NKAIN3: variants seen among roughly 807,000 people sequenced by gnomAD.
NKAIN3 encodes the protein sodium/potassium transporting ATPase interacting 3, also known as sodium/potassium-transporting ATPase subunit beta-1-interacting protein 3.
Under a neutral mutation model 30.2 loss-of-function variants are expected in NKAIN3, and 25 were observed. The observed-to-expected ratio is 0.83, with a 90% CI of 0.60 to 1.16. The LOEUF (loss-of-function observed/expected upper bound fraction) is 1.16. Among genes scored for constraint, NKAIN3 ranks in the 50% most tolerant of loss-of-function variants. The pLI is 0.00. For synonymous variants in NKAIN3, 91 were observed against 89.6 expected (o/e 1.02, Z -0.09); for missense variants, 225 against 254.1 (o/e 0.89, Z 0.78).
intron 1 of NKAIN3, among the ~76,000 whole-genome samples, chr8:62,274,357 A>C (rs1812867579): frequency 6.6e-6 from 1 of 152,070 alleles, no homozygotes; most frequent in Non-Finnish European, 1.5e-5. Context: ...TCTCCATTGA[A>C]GTTGGGTGTA....
intron 4 of NKAIN3, among the ~76,000 whole-genome samples, chr8:62,805,620 T>C (rs1818251078): frequency 5.9e-5 from 9 of 152,158 alleles, no homozygotes; most frequent in Admixed American, 5.9e-4. Context: ...TGAAACTGGA[T>C]CCCTTCCTTA....
In NKAIN3 at chr8:62,932,499, A is replaced by G. The variant is rs1374884309; in HGVS notation, c.532+13986A>G. ...ATGTGCAAAATACACATCATCAGGA[A>G]GAGAACAAAGGAAAGACATTTTAGA... On this transcript the variant is annotated intron_variant, in intron 5 of 6. Coordinates refer to ENST00000623646, the MANE Select transcript of NKAIN3 (RefSeq NM_001304533.3). 3.9e-5 allele frequency among the ~76,000 whole-genome samples: 6 copies of G among 152,338 alleles called. No homozygotes were observed. The South Asian group carries it at 1.0e-3, about 26-fold the overall frequency.
intron 4 of NKAIN3, among the ~76,000 whole-genome samples, chr8:62,807,752 C>T (rs1403882684): frequency 6.7e-6 from 1 of 149,064 alleles, no homozygotes; most frequent in Non-Finnish European, 1.5e-5. Context: ...GGGGTTTCAC[C>T]ATGGTGGCCA....
intron 3 of NKAIN3, among the ~76,000 whole-genome samples, chr8:62,671,342 G>C (rs1052398388): frequency 1.3e-5 from 2 of 152,034 alleles, no homozygotes; most frequent in Admixed American, 6.6e-5. Context: ...TTCAGATTTA[G>C]ATGCTTAAAC....
At chr8:62,708,624 G>A (rs913729135) in intron 3 of NKAIN3, among the ~76,000 whole-genome samples, 3 of 152,112 alleles carry the variant, frequency 2.0e-5, no homozygotes, top group Admixed American at 6.5e-5. Context: ...CTTGCTGGAG[G>A]AGTCCTTAGG....
Position 62,982,979 on chromosome 8 carries a change from G to C in NKAIN3, c.*17572G>C, listed in dbSNP as rs1036994156. ...ATGTTTCTTCTTCATTCATGAATAAGTCTAATTTTCTCTCCGGTGTGTAAA... is the reference window on the plus strand; with the variant it reads ...ATGTTTCTTCTTCATTCATGAATAACTCTAATTTTCTCTCCGGTGTGTAAA... On this transcript the variant is annotated 3_prime_UTR_variant, in exon 7 of 7. Transcript: ENST00000623646. 2.0e-5 allele frequency: 3 copies of C among 152,146 alleles called. No individual in the cohort carries two copies. The highest frequency in any genetic ancestry group is 7.2e-5 in the African/African-American group (3 of 41,424). 9.4% of individuals were successfully genotyped at this position (152,146 alleles called of 1,614,324 possible). A position where few individuals can be genotyped will look rare whatever the true frequency, so the allele number is the denominator to read the frequency against.
At chr8:62,641,661 TA>T (rs1199516778) in intron 3 of NKAIN3, among the ~76,000 whole-genome samples, 1 of 152,142 alleles carries the variant, frequency 6.6e-6, no homozygotes, top group Non-Finnish European at 1.5e-5. Flanking sequence ...GCAAGTTAAA[TA>T]GCTCATTGAT....
intron 1 of NKAIN3, among the ~76,000 whole-genome samples, chr8:62,368,959 G>A (rs1816824964): frequency 6.6e-6 from 1 of 151,710 alleles, no homozygotes; most frequent in Admixed American, 6.6e-5. Flanking sequence ...TTGACAAAAT[G>A]GTGTCAGAAG....
intron 4 of NKAIN3, among the ~76,000 whole-genome samples, chr8:62,849,656 CA>C (rs1315922650): frequency 7.8e-6 from 1 of 128,444 alleles, no homozygotes; most frequent in Non-Finnish European, 1.6e-5. Flanking sequence ...TTCCTGTGTC[CA>C]TGTGTTCTCA....
chr8:62,934,249 G>A (rs984082793), intron 5 of NKAIN3, among the ~76,000 whole-genome samples: 1 of 151,912 alleles, frequency 6.6e-6, no homozygotes, highest in African/African-American at 2.4e-5. Flanking sequence ...AAAGTAGCAG[G>A]GTGTGCTGGT....
chr8:62,270,381 C>T (rs1812743528), intron 1 of NKAIN3, among the ~76,000 whole-genome samples: 1 of 151,918 alleles, frequency 6.6e-6, no homozygotes, highest in African/African-American at 2.4e-5. Context: ...TGGGCCCAGC[C>T]CATATTATAG....
chr8:62,856,638 T>C (rs1270311786), intron 4 of NKAIN3: 21 of 771,804 alleles, frequency 2.7e-5, no homozygotes, highest in South Asian at 1.5e-4. Flanking sequence ...ACTAAAGAGG[T>C]TGGCACAGAT....
intron 3 of NKAIN3, among the ~76,000 whole-genome samples, chr8:62,730,915 A>G (rs1815442667): frequency 1.3e-5 from 2 of 152,272 alleles, no homozygotes; most frequent in South Asian, 4.1e-4. Flanking sequence ...TCACTGATTC[A>G]GTGTGTTTTA....
At chr8:62,633,248 G>A (rs1237840944) in intron 3 of NKAIN3, among the ~76,000 whole-genome samples, 2 of 152,110 alleles carry the variant, frequency 1.3e-5, no homozygotes, top group Non-Finnish European at 1.5e-5. Context: ...TTGAAAATGG[G>A]AAAATAAAAC....
intron 1 of NKAIN3, among the ~76,000 whole-genome samples, chr8:62,517,993 C>T (rs1394468718): frequency 6.6e-6 from 1 of 152,038 alleles, no homozygotes; most frequent in Non-Finnish European, 1.5e-5. Flanking sequence ...GCTGCCATGA[C>T]TATAGTCATA....
chr8:62,742,846 T>C (rs1217622999), intron 3 of NKAIN3, among the ~76,000 whole-genome samples: 3 of 152,180 alleles, frequency 2.0e-5, no homozygotes, highest in African/African-American at 7.2e-5. Flanking sequence ...TTTAATTAAC[T>C]CACAGTTCAG....
At chr8:62,619,423 T>A (rs931603254) in intron 3 of NKAIN3, among the ~76,000 whole-genome samples, 21 of 152,330 alleles carry the variant, frequency 1.4e-4, no homozygotes, top group African/African-American at 5.1e-4. Context: ...GACATTCCTT[T>A]CTATTGATAA....
At chr8:62,955,270 A>G (rs945055375) in intron 6 of NKAIN3, among the ~76,000 whole-genome samples, 9 of 152,228 alleles carry the variant, frequency 5.9e-5, no homozygotes, top group Admixed American at 2.0e-4. Context: ...TCCAATTTGG[A>G]AAGAACATTC....
In NKAIN3 at chr8:62,981,489, A is replaced by G. The variant is rs543312619; in HGVS notation, c.*16082A>G. The G allele has an allele frequency of 4.6e-5, 7 of 152,322 alleles. No homozygotes were observed. The highest frequency in any genetic ancestry group is 1.7e-4 in the African/African-American group (7 of 41,570). The allele number at this position is 152,322 out of a possible 1,614,324, so 9.4% of individuals were successfully genotyped here. ...CAAACTGAAAGGAATTAATATCCAC[A>G]TCAGTTCCTAAAGCAAAATGCCTGA... is the stretch of plus-strand genomic sequence containing the variant. On this transcript the variant is annotated 3_prime_UTR_variant, in exon 7 of 7. Coordinates refer to ENST00000623646, the MANE Select transcript of NKAIN3 (RefSeq NM_001304533.3).
Sources: gnomAD v4.1 joint callset for allele counts (sites outside exome capture counted in the v4.1 genomes callset) on GRCh38, gnomAD v4.1.1 for gene constraint, MANE v1.5 for transcripts, NCBI Gene and HGNC (gene_info 2026-07-23, HGNC 2026-07-21) for gene names.